The following OPTC variants were observed in gnomAD, a reference collection of about 807,000 sequenced individuals.
The protein encoded by OPTC is opticin.
In OPTC, 22 loss-of-function variants were observed where a neutral mutation model predicts 25.4. The ratio of observed to expected loss-of-function variants is 0.87; its 90% CI spans 0.62 to 1.24. The LOEUF is 1.24. Among genes scored for constraint, OPTC ranks in the 50% most tolerant of loss-of-function variants. The pLI, the probability that OPTC is intolerant of heterozygous loss-of-function variation, is 0.00. For missense variants in OPTC, 417 were observed against 425.2 expected, an observed-to-expected ratio of 0.98 and a Z score of 0.17; for synonymous variants, 169 against 179.3, an observed-to-expected ratio of 0.94 and a Z score of 0.46.
At chr1:203,504,036 C>T (rs1301428197) in intron 7 of OPTC, among the ~76,000 whole-genome samples, 1 of 152,122 alleles carries the variant, frequency 6.6e-6, no homozygotes, top group Non-Finnish European at 1.5e-5. Flanking sequence ...CTTGCACCCA[C>T]ACAGAATGCC....
chr1:203,506,158 T>C (rs1337803030), intron 7 of OPTC, among the ~76,000 whole-genome samples: 2 of 150,566 alleles, frequency 1.3e-5, no homozygotes, highest in East Asian at 3.9e-4. Flanking sequence ...TTTTCTTTTT[T>C]TTTTTTTTTT....
At chr1:203,498,927 C>T in intron 4 of OPTC, 88 bp downstream of exon 4, 1 of 1,444,438 alleles carries the variant, frequency 6.9e-7, no homozygotes, top group Middle Eastern at 1.9e-4. Context: ...GTGTTAGTGC[C>T]CCCCGTGTTA....
At chr1:203,497,325 T>C (rs1661296797) in intron 3 of OPTC, among the ~76,000 whole-genome samples, 1 of 152,154 alleles carries the variant, frequency 6.6e-6, no homozygotes, top group South Asian at 2.1e-4. Context: ...CCTAATACTT[T>C]TGCCTGAATG....
At chr1:203,497,451 G>T (rs1425344040) in intron 3 of OPTC, among the ~76,000 whole-genome samples, 1 of 152,222 alleles carries the variant, frequency 6.6e-6, no homozygotes, top group East Asian at 1.9e-4. Context: ...TTAGATTACA[G>T]ACAATTAAAA....
At chr1:203,497,900 T>A (rs1661306079) in intron 3 of OPTC, among the ~76,000 whole-genome samples, 1 of 152,264 alleles carries the variant, frequency 6.6e-6, no homozygotes, top group South Asian at 2.1e-4. Flanking sequence ...CCACTCCTCC[T>A]GGTCACTGCT....
chr1:203,502,793 C>T (rs1160808633), intron 5 of OPTC, 121 bp from the exon 6 acceptor site: 2 of 790,812 alleles, frequency 2.5e-6, no homozygotes, highest in Non-Finnish European at 4.4e-6. Context: ...TGGCGCATGG[C>T]TGAGGCTAAG....
Position 203,502,983 on chromosome 1 carries a change from C to T in OPTC, c.802C>T (p.Leu268=). Residue 268 remains leucine, a synonymous_variant, in exon 6 of 8, where the codon CTG becomes TTG. Coordinates refer to ENST00000367222, the MANE Select transcript of OPTC (RefSeq NM_014359.4). ...GGATTCTATCCCGGGGCCTTTGCCC[C>T]TGAGCCTGCGCTCTGTACACCTGCA... is the stretch of plus-strand genomic sequence containing the variant. ...LLDSIPGPLP[L]SLRSVHLQNN... 3 of 1,613,908 alleles carry T rather than the reference C, an allele frequency of 1.9e-6. No individual in the cohort carries two copies. Among genetic ancestry groups the T allele is most frequent in the Non-Finnish European group, 2.5e-6 (3 of 1,179,990 alleles).
chr1:203,506,711 A>G (rs1478173069), intron 7 of OPTC, among the ~76,000 whole-genome samples: 2 of 152,204 alleles, frequency 1.3e-5, no homozygotes, highest in African/African-American at 2.4e-5. Context: ...GTGAGTAGGG[A>G]TGCTCATCTT....
rs567505517 is a variant in OPTC, at chr1:203,497,016, C to T, written c.271C>T (p.Pro91Ser). 4 of 1,614,104 alleles carry T rather than the reference C, an allele frequency of 2.5e-6. No homozygotes were observed. In the African/African-American group the frequency reaches 4.0e-5, roughly 16 times the overall value. The change falls in exon 3 of 8, where the codon CCC (proline) becomes TCC (serine). Residue 91 changes from proline (P) to serine (S), a missense_variant. By Grantham distance (74) the Pro-to-Ser change is moderately conservative. Coordinates refer to ENST00000367222, the MANE Select transcript of OPTC (RefSeq NM_014359.4). ...CCTCGCTCCTGCAACCAGCATCAGT[C>T]CCGCCAAGAGCACTACGGCTCCAGG... ...TSLAPATSISPAKSTTAPGTP... is the reference protein window; with the variant it reads ...TSLAPATSISSAKSTTAPGTP...
intron 7 of OPTC, among the ~76,000 whole-genome samples, chr1:203,506,189 T>G (rs1661483753): frequency 6.6e-6 from 1 of 150,858 alleles, no homozygotes; most frequent in Admixed American, 6.6e-5. Flanking sequence ...TTCACTCTTG[T>G]TGCCCAGGGG....
rs756026366 is a variant in OPTC, at chr1:203,495,997, T to G, written c.-9T>G. 1.9e-6 allele frequency: 3 copies of G among 1,601,392 alleles called. No individual in the cohort carries two copies. The highest frequency in any genetic ancestry group is 2.6e-6 in the Non-Finnish European group (3 of 1,171,390). ...CGCTGAAGGGATTCTCAGTCCCATCTGACTCCCCATGAGGCTCCTGGCTTT... is the reference window on the plus strand; with the variant it reads ...CGCTGAAGGGATTCTCAGTCCCATCGGACTCCCCATGAGGCTCCTGGCTTT... On this transcript the variant is annotated 5_prime_UTR_variant, in exon 2 of 8. Coordinates refer to ENST00000367222, the MANE Select transcript of OPTC (RefSeq NM_014359.4).
chr1:203,504,705 C>T (rs1242255593), intron 7 of OPTC, among the ~76,000 whole-genome samples: 1 of 152,146 alleles, frequency 6.6e-6, no homozygotes, highest in African/African-American at 2.4e-5. Flanking sequence ...AGAACTGACA[C>T]GAATCTTCAC....
chr1:203,506,508 G>A (rs141930899), intron 7 of OPTC, among the ~76,000 whole-genome samples: 2 of 152,070 alleles, frequency 1.3e-5, no homozygotes, highest in African/African-American at 2.4e-5. Context: ...TCCAGAACTG[G>A]GGCTTTTGGG....
chr1:203,503,030 C>T (rs745456946), intron 6 of OPTC, 21 bp downstream of exon 6: 1 of 1,581,130 alleles, frequency 6.3e-7, no homozygotes, highest in Admixed American at 1.7e-5. Context: ...CCACCCAGAG[C>T]AAGGGTGATA....
chr1:203,495,928 C>T (rs951027440), intron 1 of OPTC, 37 bp from the exon 2 acceptor site: 22 of 936,584 alleles, frequency 2.3e-5, no homozygotes, highest in Non-Finnish European at 3.4e-5. Flanking sequence ...AGAGCCTGTC[C>T]CTCAGATCGC....
intron 7 of OPTC, among the ~76,000 whole-genome samples, chr1:203,504,950 G>A (rs1179152808): frequency 6.6e-6 from 1 of 152,252 alleles, no homozygotes; most frequent in Non-Finnish European, 1.5e-5. Context: ...GGAAGGATGG[G>A]AGGAAGGGCA....
chr1:203,501,052 G>A (rs555233066), intron 5 of OPTC, among the ~76,000 whole-genome samples: 1 of 152,270 alleles, frequency 6.6e-6, no homozygotes, highest in African/African-American at 2.4e-5. Context: ...CCTTCAGTAA[G>A]TGACTGATGA....
At position 203,503,540 on chromosome 1, in the gene OPTC, T is replaced by C; in HGVS notation, c.829-10T>C. The C allele has an allele frequency of 2.5e-6, 4 of 1,613,098 alleles. No individual in the cohort carries two copies. Among genetic ancestry groups the C allele is most frequent in the Non-Finnish European group, 3.4e-6 (4 of 1,179,958 alleles). The stretch of plus-strand genomic sequence containing the variant: ...CTTGGTGAGGCTCAGCTGGTATGTG[T>C]TCTTCCCAGAATAACCTGATAGAGA... On this transcript the variant is annotated splice_polypyrimidine_tract_variant and intron_variant, in intron 6 of 7. Transcript: ENST00000367222.
At chr1:203,504,126 G>A (rs939199534) in intron 7 of OPTC, among the ~76,000 whole-genome samples, 2 of 152,204 alleles carry the variant, frequency 1.3e-5, no homozygotes. Context: ...ATGTGCTGGA[G>A]CCAGCTCTTA....
Sources: gnomAD v4.1 joint callset for allele counts (sites outside exome capture counted in the v4.1 genomes callset) on GRCh38, gnomAD v4.1.1 for gene constraint, MANE v1.5 for transcripts, NCBI Gene and HGNC (gene_info 2026-07-23, HGNC 2026-07-21) for gene names.